ADGRL2: variants seen among roughly 807,000 people sequenced by gnomAD.
The protein encoded by ADGRL2 is adhesion G protein-coupled receptor L2.
Under a neutral mutation model 157.4 loss-of-function variants are expected in ADGRL2, and 44 were observed. The ratio of observed to expected loss-of-function variants is 0.28; its 90% CI spans 0.22 to 0.36. ADGRL2 has a LOEUF of 0.36. Among genes scored for constraint, ADGRL2 ranks in the 10% least tolerant of loss-of-function variants. The probability of loss-of-function intolerance (pLI) is 1.00; values close to 1 mark genes in which losing one functional copy is unlikely to be tolerated. For missense variants in ADGRL2, 1,510 were observed against 1,768.9 expected (o/e 0.85, Z 2.63); for synonymous variants, 585 against 624.7 (o/e 0.94, Z 0.95).
intron 1 of ADGRL2, among the ~76,000 whole-genome samples, chr1:81,370,217 G>T (rs951428117): frequency 3.5e-4 from 54 of 152,170 alleles, no homozygotes; most frequent in Middle Eastern, 3.4e-3. Flanking sequence ...AAGTTTAATT[G>T]ATTTTTTACC....
intron 3 of ADGRL2, among the ~76,000 whole-genome samples, chr1:81,631,556 T>C (rs2082010962): frequency 6.6e-6 from 1 of 152,190 alleles, no homozygotes; most frequent in Admixed American, 6.6e-5. Flanking sequence ...TTCTCAAACT[T>C]GACTGCATTT....
chr1:81,550,475 A>T (rs1367465454), intron 2 of ADGRL2, among the ~76,000 whole-genome samples: 1 of 152,156 alleles, frequency 6.6e-6, no homozygotes, highest in African/African-American at 2.4e-5. Flanking sequence ...ACAGTGGAAA[A>T]ATTCTGTTAC....
intron 3 of ADGRL2, among the ~76,000 whole-genome samples, chr1:81,673,510 A>ATTTTTT (rs35732882): frequency 8.0e-5 from 8 of 100,152 alleles, no homozygotes; most frequent in Non-Finnish European, 1.5e-4. Context: ...TGTGCCTTCT[A>ATTTTTT]TTTTTTTTTT....
At chr1:81,538,419 C>T (rs1557440102) in intron 2 of ADGRL2, among the ~76,000 whole-genome samples, 1 of 152,128 alleles carries the variant, frequency 6.6e-6, no homozygotes, top group Non-Finnish European at 1.5e-5. Flanking sequence ...TCATCTTTGT[C>T]ATTAGCCAGC....
intron 1 of ADGRL2, among the ~76,000 whole-genome samples, chr1:81,315,944 A>G (rs1222493488): frequency 6.6e-6 from 1 of 152,146 alleles, no homozygotes; most frequent in Non-Finnish European, 1.5e-5. Context: ...GAAGTTTGGC[A>G]TAAGTTCTGA....
chr1:81,726,697 T>A (rs1199225558), intron 1 of ADGRL2, among the ~76,000 whole-genome samples: 1 of 152,192 alleles, frequency 6.6e-6, no homozygotes, highest in Non-Finnish European at 1.5e-5. Flanking sequence ...ACTCTAAAAC[T>A]TCAACTTTTT....
chr1:81,333,469 G>T (rs1017762346), intron 1 of ADGRL2, among the ~76,000 whole-genome samples: 4 of 151,998 alleles, frequency 2.6e-5, no homozygotes, highest in Admixed American at 2.6e-4. Flanking sequence ...AGGCTGGAGT[G>T]CAGTGGCACC....
chr1:81,509,830 C>T (rs2079043889), intron 2 of ADGRL2, among the ~76,000 whole-genome samples: 1 of 152,200 alleles, frequency 6.6e-6, no homozygotes, highest in South Asian at 2.1e-4. Flanking sequence ...GGAACTTGTT[C>T]AGGCAGCAGC....
chr1:81,582,780 A>C (rs2080942349), intron 3 of ADGRL2, among the ~76,000 whole-genome samples: 1 of 152,150 alleles, frequency 6.6e-6, no homozygotes, highest in East Asian at 1.9e-4. Context: ...ACCACACATC[A>C]AAAAAGTGCC....
At chr1:81,327,662 A>G (rs1333829125) in intron 1 of ADGRL2, among the ~76,000 whole-genome samples, 1 of 152,226 alleles carries the variant, frequency 6.6e-6, no homozygotes, top group Admixed American at 6.5e-5. Flanking sequence ...TAAAAAGTCA[A>G]TATCAAATAT....
At chr1:81,319,410 A>AT (rs1300895917) in intron 1 of ADGRL2, among the ~76,000 whole-genome samples, 17 of 151,920 alleles carry the variant, frequency 1.1e-4, no homozygotes, top group African/African-American at 9.7e-5. Context: ...ACAAACCGAG[A>AT]TTTTTTTTCA....
chr1:81,536,744 T>C (rs943429480), intron 2 of ADGRL2, among the ~76,000 whole-genome samples: 3 of 152,342 alleles, frequency 2.0e-5, no homozygotes, highest in Admixed American at 6.5e-5. Context: ...TGTTAAGATA[T>C]TTAAATTGGT....
chr1:81,783,083 C>T (rs1164589526), intron 2 of ADGRL2, among the ~76,000 whole-genome samples: 1 of 152,176 alleles, frequency 6.6e-6, no homozygotes, highest in East Asian at 1.9e-4. Context: ...TTATGTCCAG[C>T]ATGCATATAG....
chr1:81,986,670 TG>T (rs1663233418), intron 21 of ADGRL2, among the ~76,000 whole-genome samples: 1 of 152,108 alleles, frequency 6.6e-6, no homozygotes, highest in Admixed American at 6.6e-5. Flanking sequence ...GGTGTTTACT[TG>T]GGGGATTTAG....
intron 2 of ADGRL2, among the ~76,000 whole-genome samples, chr1:81,896,758 T>C (rs1416255025): frequency 6.6e-6 from 1 of 152,138 alleles, no homozygotes; most frequent in Non-Finnish European, 1.5e-5. Context: ...CAGTTTTTGT[T>C]GAAAAGCTCA....
At chr1:81,381,420 G>A (rs896068557) in intron 1 of ADGRL2, among the ~76,000 whole-genome samples, 2 of 151,950 alleles carry the variant, frequency 1.3e-5, no homozygotes, top group Non-Finnish European at 1.5e-5. Flanking sequence ...TTAAGAAATA[G>A]CCTATAAATT....
chr1:81,396,909 C>T lies in ADGRL2; in HGVS notation c.-301-48127C>T, dbSNP rs1334197808. 2.0e-5 allele frequency among the ~76,000 whole-genome samples: 3 copies of T among 152,100 alleles called. No individual in the cohort carries two copies. In the East Asian group the frequency reaches 5.8e-4, roughly 29 times the overall value. ...TTGTTGAGGATTTTTGCATATATGT[C>T]TATCAGGGATGTTGGCCTCTAATGT... On this transcript the variant is annotated intron_variant, in intron 1 of 24. Coordinates refer to the ADGRL2 transcript ENST00000370721.
chr1:81,380,624 T>G (rs998545126), intron 1 of ADGRL2, among the ~76,000 whole-genome samples: 3 of 152,196 alleles, frequency 2.0e-5, no homozygotes, highest in Non-Finnish European at 4.4e-5. Flanking sequence ...GACTAAGCCT[T>G]CTCCTCTCTA....
intron 3 of ADGRL2, among the ~76,000 whole-genome samples, chr1:81,617,308 C>A (rs1289811063): frequency 1.3e-5 from 2 of 152,152 alleles, no homozygotes; most frequent in Non-Finnish European, 1.5e-5. Flanking sequence ...TGAGGTGGAA[C>A]AATTTCATCG....
Sources: allele counts gnomAD v4.1 joint callset (sites outside exome capture counted in the v4.1 genomes callset), GRCh38; gene constraint gnomAD v4.1.1; transcripts MANE v1.5; gene names NCBI Gene and HGNC (gene_info 2026-07-23, HGNC 2026-07-21).